Variants in ZBTB20 observed in about 807,000 individuals in gnomAD.
ZBTB20 encodes the protein zinc finger and BTB domain-containing protein 20.
In ZBTB20, 9 loss-of-function variants were observed where a neutral mutation model predicts 56.9. The observed-to-expected ratio is 0.16, with a 90% CI of 0.10 to 0.28. The LOEUF (loss-of-function observed/expected upper bound fraction) is 0.28, where lower values mean the gene tolerates loss of function less well. Among genes scored for constraint, ZBTB20 ranks in the 10% least tolerant of loss-of-function variants. The probability of loss-of-function intolerance (pLI) is 1.00; values close to 1 mark genes in which losing one functional copy is unlikely to be tolerated. For synonymous variants in ZBTB20, 417 were observed against 420.7 expected (o/e 0.99, Z 0.11); for missense variants, 655 against 1,003.0 (o/e 0.65, Z 4.69).
At chr3:114,604,955 G>A (rs2057032136) in intron 6 of ZBTB20, among the ~76,000 whole-genome samples, 1 of 152,012 alleles carries the variant, frequency 6.6e-6, no homozygotes, top group African/African-American at 2.4e-5. Flanking sequence ...CACATTTCTT[G>A]AGGAATTTTA....
At chr3:114,403,179 C>T (rs977405410) in intron 7 of ZBTB20, among the ~76,000 whole-genome samples, 8 of 151,966 alleles carry the variant, frequency 5.3e-5, no homozygotes, top group African/African-American at 1.4e-4. Context: ...ATGCTTTTTT[C>T]GACCTCTTTA....
At chr3:114,663,906 A>G (rs1376456264) in intron 6 of ZBTB20, among the ~76,000 whole-genome samples, 2 of 151,840 alleles carry the variant, frequency 1.3e-5, no homozygotes, top group Admixed American at 1.3e-4. Flanking sequence ...TGAGTGACCT[A>G]CAAAGAGACT....
chr3:114,492,515 G>A (rs1360186035), intron 7 of ZBTB20, among the ~76,000 whole-genome samples: 1 of 152,050 alleles, frequency 6.6e-6, no homozygotes, highest in African/African-American at 2.4e-5. Context: ...AAAAAGTCCA[G>A]GAATATTTTA....
chr3:114,367,854 C>T (rs2082583923), intron 10 of ZBTB20, among the ~76,000 whole-genome samples: 1 of 152,028 alleles, frequency 6.6e-6, no homozygotes, highest in African/African-American at 2.4e-5. Context: ...CTATTCAGGC[C>T]TGAATCCAAG....
chr3:115,110,195 G>T (rs2083835175), intron 1 of ZBTB20, among the ~76,000 whole-genome samples: 1 of 151,600 alleles, frequency 6.6e-6, no homozygotes, highest in African/African-American at 2.4e-5. Flanking sequence ...CTGGGCGATA[G>T]GGACTCTGTC....
intron 6 of ZBTB20, among the ~76,000 whole-genome samples, chr3:114,517,212 C>A (rs78407852): frequency 0.015 from 2,356 of 152,244 alleles, 50 homozygotes; most frequent in African/African-American, 0.051. Flanking sequence ...TTGAGTATCT[C>A]CTATGTGTCA....
intron 3 of ZBTB20, among the ~76,000 whole-genome samples, chr3:114,945,884 T>C (rs953185693): frequency 1.4e-5 from 2 of 145,190 alleles, no homozygotes; most frequent in Admixed American, 1.3e-4. Flanking sequence ...CTAATATCAC[T>C]ATACATTATA....
At chr3:114,423,721 G>C (rs2089394049) in intron 7 of ZBTB20, among the ~76,000 whole-genome samples, 1 of 152,172 alleles carries the variant, frequency 6.6e-6, no homozygotes, top group Non-Finnish European at 1.5e-5. Flanking sequence ...TGATGTTCCA[G>C]TGTAAGTTTT....
intron 5 of ZBTB20, among the ~76,000 whole-genome samples, chr3:114,769,661 T>C (rs1052506571): frequency 2.7e-5 from 4 of 149,454 alleles, no homozygotes; most frequent in Non-Finnish European, 4.4e-5. Context: ...CTGGATGAGA[T>C]TGGAGACTAT....
chr3:114,627,495 A>T (rs2058715015), intron 6 of ZBTB20, among the ~76,000 whole-genome samples: 1 of 152,238 alleles, frequency 6.6e-6, no homozygotes, highest in Non-Finnish European at 1.5e-5. Flanking sequence ...AGTTAGGAGT[A>T]TCCCATGAAG....
Position 115,012,122 on chromosome 3 carries a change from G to A in ZBTB20, c.-506-37706C>T, listed in dbSNP as rs75274836. ...TATCACCAGAGAAAATCATCTTCAC[G>A]AAAAGAAAAGAGGAAGAAAGGAAAG... On this transcript the variant is annotated intron_variant, in intron 2 of 11. Transcript: ENST00000675478. Among the ~76,000 whole-genome samples the A allele has an allele frequency of 1.1e-4, 16 of 151,566 alleles. 1 individual carries two copies. The East Asian group carries it at 2.3e-3, about 22-fold the overall frequency.
Position 114,351,052 on chromosome 3 carries a change from C to T in ZBTB20, c.1026G>A (p.Gln342=). The part of the protein sequence containing the change: ...EMEDDYDYYG[Q]QRVQILERNE... ...TGCGTTCCAGGATCTGCACCCTTTG[C>T]TGCCCGTAGTAGTCGTAATCGTCCT... The change falls in exon 11 of 12, where the codon CAG becomes CAA. Residue 342 remains glutamine (Q), a synonymous_variant. Transcript: ENST00000675478. 1.2e-5 allele frequency: 20 copies of T among 1,612,012 alleles called. No individual in the cohort carries two copies. The highest frequency in any genetic ancestry group is 1.6e-5 in the Non-Finnish European group (19 of 1,179,944).
intron 2 of ZBTB20, among the ~76,000 whole-genome samples, chr3:115,055,213 C>CTCTCTT (rs2081721883): frequency 6.6e-6 from 1 of 151,126 alleles, no homozygotes; most frequent in African/African-American, 2.4e-5. Context: ...CTCTCTCTCT[C>CTCTCTT]TCTCTCTCTC....
rs138444332 is a variant in ZBTB20 at position 114,344,387 on chromosome 3, C to G, written c.1805-4961G>C. On this transcript the variant is annotated intron_variant, in intron 11 of 11. Coordinates refer to ENST00000675478, the MANE Select transcript of ZBTB20 (RefSeq NM_001348800.3). ...AAGGTCATCTAAGAAGTCAGTAGCA[C>G]CTGAGAGTATAATACTAGCCCAACC... Among the ~76,000 whole-genome samples the G allele has an allele frequency of 3.3e-3, 499 of 152,266 alleles. 2 individuals carry two copies. Among genetic ancestry groups the G allele is most frequent in the African/African-American group, 0.011 (471 of 41,528 alleles).
intron 6 of ZBTB20, among the ~76,000 whole-genome samples, chr3:114,605,128 T>C (rs2057045209): frequency 6.6e-6 from 1 of 152,104 alleles, no homozygotes; most frequent in Admixed American, 6.6e-5. Flanking sequence ...TACTTAGAAG[T>C]TCCTAAAGGA....
chr3:114,411,844 A>G (rs1415535088), intron 7 of ZBTB20, among the ~76,000 whole-genome samples: 1 of 152,200 alleles, frequency 6.6e-6, no homozygotes, highest in African/African-American at 2.4e-5. Flanking sequence ...GTTTACAAAA[A>G]GAAGAAAAGT....
intron 6 of ZBTB20, among the ~76,000 whole-genome samples, chr3:114,603,352 G>C (rs117301316): frequency 3.3e-5 from 5 of 151,798 alleles, no homozygotes; most frequent in Non-Finnish European, 5.9e-5. Flanking sequence ...AGAACAGTAT[G>C]GTTTCTTTTT....
intron 7 of ZBTB20, among the ~76,000 whole-genome samples, chr3:114,439,611 C>T (rs2090770206): frequency 6.6e-6 from 1 of 152,110 alleles, no homozygotes; most frequent in African/African-American, 2.4e-5. Context: ...AAAAGAATAA[C>T]AGCAGTCCAA....
chr3:115,083,634 T>C (rs1468373370), intron 1 of ZBTB20, among the ~76,000 whole-genome samples: 1 of 152,068 alleles, frequency 6.6e-6, no homozygotes, highest in African/African-American at 2.4e-5. Context: ...TCATGTTAAG[T>C]TGATTTAAGC....
Sources: allele counts gnomAD v4.1 joint callset (sites outside exome capture counted in the v4.1 genomes callset), GRCh38; gene constraint gnomAD v4.1.1; transcripts MANE v1.5; gene names NCBI Gene and HGNC (gene_info 2026-07-23, HGNC 2026-07-21).